AHR: variants seen among roughly 807,000 people sequenced by gnomAD.
AHR encodes aryl hydrocarbon receptor.
In AHR, 40 loss-of-function variants were observed where a neutral mutation model predicts 86.8. The ratio of observed to expected loss-of-function variants is 0.46; its 90% CI spans 0.36 to 0.60. AHR has a LOEUF of 0.60. Among genes scored for constraint, AHR ranks in the 20% least tolerant of loss-of-function variants. AHR has a pLI of 0.00. For synonymous variants in AHR, 398 were observed against 354.9 expected, an observed-to-expected ratio of 1.12 and a Z score of -1.37; for missense variants, 1,001 against 1,011.6, an observed-to-expected ratio of 0.99 and a Z score of 0.14.
intron 2 of AHR, among the ~76,000 whole-genome samples, chr7:17,313,968 A>G (rs75369008): frequency 0.01 from 1,593 of 152,236 alleles, 31 homozygotes; most frequent in African/African-American, 0.035. Flanking sequence ...CAGCATTGTA[A>G]TGTTTCATTC....
chr7:17,326,997 G>C (rs935474389), intron 3 of AHR, among the ~76,000 whole-genome samples: 2 of 151,982 alleles, frequency 1.3e-5, no homozygotes, highest in Admixed American at 6.6e-5. Context: ...GTTGATATTG[G>C]ACTTGAATTA....
At chr7:17,330,678 A>C (rs546864035) in intron 5 of AHR, 78 bp from the exon 6 acceptor site, 71 of 1,327,564 alleles carry the variant, frequency 5.3e-5, no homozygotes, top group East Asian at 1.9e-4. Flanking sequence ...TTAGAAACTA[A>C]TACAAATTTT....
Position 17,343,197 on chromosome 7 carries a change from C to A in AHR, c.*133C>A. On this transcript the variant is annotated 3_prime_UTR_variant, in exon 11 of 11. Coordinates refer to ENST00000242057, the MANE Select transcript of AHR (RefSeq NM_001621.5). ...TGATGCATGCTATTCACAATTATTC[C>A]AAACCAAATTTTAATTTTTGCTTTT... 3 of 1,099,210 alleles carry A rather than the reference C, an allele frequency of 2.7e-6. No homozygotes were observed. The highest frequency in any genetic ancestry group is 4.0e-6 in the Non-Finnish European group (3 of 745,022). 68.1% of individuals were successfully genotyped at this position (1,099,210 alleles called of 1,614,324 possible).
chr7:17,338,237 C>T (rs1036214118), intron 9 of AHR, among the ~76,000 whole-genome samples: 1 of 147,496 alleles, frequency 6.8e-6, no homozygotes, highest in African/African-American at 2.5e-5. Flanking sequence ...AATACAAATA[C>T]TTTAATATTA....
intron 1 of AHR, 52 bp downstream of exon 1, chr7:17,299,381 G>C: frequency 1.3e-6 from 2 of 1,590,184 alleles, no homozygotes; most frequent in Non-Finnish European, 1.7e-6. Context: ...TCAGGCACGC[G>C]GGTGCGGGAG....
intron 3 of AHR, among the ~76,000 whole-genome samples, chr7:17,327,120 A>G (rs1001203826): frequency 1.3e-5 from 2 of 152,072 alleles, no homozygotes; most frequent in African/African-American, 4.8e-5. Flanking sequence ...ATACATGTGA[A>G]TGTGCTGTGA....
At chr7:17,300,963 T>C (rs1781949352) in intron 1 of AHR, among the ~76,000 whole-genome samples, 1 of 152,154 alleles carries the variant, frequency 6.6e-6, no homozygotes, top group Admixed American at 6.5e-5. Context: ...GCCATAATTT[T>C]GTATTCATTA....
At chr7:17,334,768 C>A in intron 7 of AHR, 119 bp from the exon 8 acceptor site, 1 of 645,288 alleles carries the variant, frequency 1.5e-6, no homozygotes, top group Non-Finnish European at 2.6e-6. Flanking sequence ...ATGTGAAATT[C>A]TAAATGTGAA....
intron 10 of AHR, 80 bp downstream of exon 10, chr7:17,340,308 G>A (rs1782406937): frequency 6.8e-7 from 1 of 1,472,500 alleles, no homozygotes; most frequent in Non-Finnish European, 9.0e-7. Context: ...TTTTATGTCA[G>A]CTGATTTTAA....
At chr7:17,305,682 C>T (rs796838114) in intron 1 of AHR, among the ~76,000 whole-genome samples, 19 of 152,248 alleles carry the variant, frequency 1.2e-4, no homozygotes, top group African/African-American at 4.1e-4. Flanking sequence ...TGTTAAAAAA[C>T]GTCACTTTGA....
intron 9 of AHR, 21 bp from the exon 10 acceptor site, chr7:17,338,965 C>T: frequency 6.6e-7 from 1 of 1,516,446 alleles, no homozygotes; most frequent in East Asian, 2.3e-5. Context: ...TTTTCTAAGA[C>T]TTTTTTGTAC....
intron 3 of AHR, among the ~76,000 whole-genome samples, chr7:17,322,989 G>A (rs1782190066): frequency 6.6e-6 from 1 of 152,044 alleles, no homozygotes; most frequent in Non-Finnish European, 1.5e-5. Context: ...TATAGCGTAA[G>A]TGTATGGTAG....
intron 1 of AHR, among the ~76,000 whole-genome samples, chr7:17,308,480 T>C (rs768732974): frequency 1.1e-4 from 16 of 152,146 alleles, no homozygotes; most frequent in Non-Finnish European, 2.4e-4. Flanking sequence ...AAGTTATTAA[T>C]TAACCAGTAG....
intron 6 of AHR, among the ~76,000 whole-genome samples, chr7:17,333,679 GA>G (rs1376245076): frequency 6.6e-6 from 1 of 151,804 alleles, no homozygotes; most frequent in Non-Finnish European, 1.5e-5. Context: ...TGACCATTAG[GA>G]ACAAGGAGTG....
At chr7:17,320,724 C>T (rs1000009536) in intron 2 of AHR, among the ~76,000 whole-genome samples, 3 of 152,088 alleles carry the variant, frequency 2.0e-5, no homozygotes, top group African/African-American at 7.2e-5. Flanking sequence ...GGAGAAAAGG[C>T]CATTCTCTCT....
At chr7:17,318,615 C>T (rs187160691) in intron 2 of AHR, among the ~76,000 whole-genome samples, 106 of 152,182 alleles carry the variant, frequency 7.0e-4, no homozygotes, top group African/African-American at 1.7e-3. Context: ...ATGCCCATTA[C>T]GGTACAGCAG....
chr7:17,307,191 CCT>C (rs1032585646), intron 1 of AHR, among the ~76,000 whole-genome samples: 4 of 151,894 alleles, frequency 2.6e-5, no homozygotes, highest in African/African-American at 9.7e-5. Flanking sequence ...ATTAGTTCTC[CCT>C]GTGTCATAGC....
chr7:17,321,619 A>ACACACACACG (rs56749030), intron 2 of AHR, among the ~76,000 whole-genome samples: 15 of 149,912 alleles, frequency 1.0e-4, no homozygotes, highest in African/African-American at 3.7e-4. Context: ...ACACACACAC[A>ACACACACACG]GTGAGGAAAA....
intron 2 of AHR, among the ~76,000 whole-genome samples, chr7:17,315,646 A>G (rs1219193356): frequency 2.6e-5 from 4 of 151,958 alleles, no homozygotes; most frequent in Non-Finnish European, 5.9e-5. Flanking sequence ...TCAAATACAG[A>G]CATTTAAAAA....
Sources: allele counts gnomAD v4.1 joint callset (sites outside exome capture counted in the v4.1 genomes callset), GRCh38; gene constraint gnomAD v4.1.1; transcripts MANE v1.5; gene names NCBI Gene and HGNC (gene_info 2026-07-23, HGNC 2026-07-21).